Variants in PDE11A observed in about 807,000 individuals in gnomAD.
PDE11A encodes dual 3',5'-cyclic-AMP and -GMP phosphodiesterase 11A.
Under a neutral mutation model 100.5 loss-of-function variants are expected in PDE11A, and 100 were observed. The ratio of observed to expected loss-of-function variants is 1.00; its 90% CI spans 0.85 to 1.18. The LOEUF is 1.18. PDE11A is among the 50% of genes most tolerant of loss of function. PDE11A has a pLI of 0.00. For missense variants in PDE11A, 1,141 were observed against 1,152.6 expected (o/e 0.99, Z 0.15); for synonymous variants, 381 against 420.8 (o/e 0.91, Z 1.16).
At chr2:177,932,674 A>G (rs1257640593) in intron 2 of PDE11A, among the ~76,000 whole-genome samples, 1 of 152,204 alleles carries the variant, frequency 6.6e-6, no homozygotes, top group East Asian at 1.9e-4. Context: ...TCAAAATAAT[A>G]AGAGCCATCT....
At chr2:177,905,950 A>G (rs757247916) in intron 2 of PDE11A, among the ~76,000 whole-genome samples, 1 of 152,196 alleles carries the variant, frequency 6.6e-6, no homozygotes, top group Non-Finnish European at 1.5e-5. Flanking sequence ...AGGTTTAGGC[A>G]TAGGGATTTT....
intron 10 of PDE11A, among the ~76,000 whole-genome samples, chr2:177,737,165 G>C (rs28679800): frequency 1.3e-5 from 2 of 151,794 alleles, no homozygotes; most frequent in South Asian, 4.2e-4. Flanking sequence ...GCTTTAACCC[G>C]GAAGGCAGAG....
At chr2:177,952,327 T>G (rs1053994337) in intron 2 of PDE11A, among the ~76,000 whole-genome samples, 2 of 152,214 alleles carry the variant, frequency 1.3e-5, no homozygotes. Context: ...GATTTCTCTT[T>G]GGGAATTACC....
At chr2:177,842,404 A>G (rs1353353575) in intron 5 of PDE11A, among the ~76,000 whole-genome samples, 1 of 152,234 alleles carries the variant, frequency 6.6e-6, no homozygotes, top group African/African-American at 2.4e-5. Context: ...GGAACAAAAG[A>G]CACAAATGCA....
intron 5 of PDE11A, among the ~76,000 whole-genome samples, chr2:177,853,672 ATATATATATGTGTGTGTG>A (rs2083764257): frequency 2.9e-5 from 1 of 34,204 alleles, no homozygotes; most frequent in African/African-American, 9.7e-5. Context: ...ATATATATAT[ATATATATATGTGTGTGTG>A]TGTGTGTGTG....
intron 2 of PDE11A, among the ~76,000 whole-genome samples, chr2:178,002,437 T>C (rs1460277773): frequency 6.6e-6 from 1 of 152,182 alleles, no homozygotes; most frequent in Non-Finnish European, 1.5e-5. Context: ...TACCCAGTAA[T>C]GGGATTGCTG....
intron 19 of PDE11A, among the ~76,000 whole-genome samples, chr2:177,639,079 A>G (rs1015110286): frequency 1.3e-5 from 2 of 152,136 alleles, no homozygotes; most frequent in African/African-American, 4.8e-5. Context: ...ACTCAGCAAG[A>G]TCACTGGGCT....
Position 177,697,433 on chromosome 2 carries a change from C to T in PDE11A, c.2245-1G>A, listed in dbSNP as rs760515400. On this transcript the variant is annotated splice_acceptor_variant, in intron 14 of 19. Coordinates refer to ENST00000286063, the MANE Select transcript of PDE11A (RefSeq NM_016953.4). LOFTEE classifies it high-confidence loss of function. Reference sequence around the variant, plus strand: ...ACAGGTTAGCAAAGATATTGTGACCCTGTAATGAGAAAGTAAAAAGTCACA... The same window carrying T: ...ACAGGTTAGCAAAGATATTGTGACCTTGTAATGAGAAAGTAAAAAGTCACA... 2.1e-6 allele frequency: 3 copies of T among 1,451,486 alleles called. No homozygotes were observed. The highest frequency in any genetic ancestry group is 1.4e-5 in the African/African-American group (1 of 71,598). The allele number at this position is 1,451,486 out of a possible 1,614,324, so 89.9% of individuals were successfully genotyped here.
intron 2 of PDE11A, among the ~76,000 whole-genome samples, chr2:177,982,597 A>G (rs1032859705): frequency 6.6e-6 from 1 of 150,724 alleles, no homozygotes; most frequent in Non-Finnish European, 1.5e-5. Flanking sequence ...CAGAGAAAAA[A>G]GATTCATATG....
intron 16 of PDE11A, among the ~76,000 whole-genome samples, chr2:177,680,365 C>T (rs1333190740): frequency 6.6e-6 from 1 of 152,044 alleles, no homozygotes; most frequent in Non-Finnish European, 1.5e-5. Flanking sequence ...GGAAGACGTC[C>T]CAGGCAAAGG....
chr2:177,993,997 G>A (rs2086037776), intron 2 of PDE11A, among the ~76,000 whole-genome samples: 1 of 150,750 alleles, frequency 6.6e-6, no homozygotes, highest in South Asian at 2.1e-4. Flanking sequence ...GTGCAATGGA[G>A]CAATCTCGGC....
intron 6 of PDE11A, among the ~76,000 whole-genome samples, chr2:177,821,320 C>G (rs1448970295): frequency 6.6e-6 from 1 of 151,146 alleles, no homozygotes; most frequent in East Asian, 1.9e-4. Flanking sequence ...TAGAAAGGCC[C>G]CAAAATTGTA....
chr2:178,077,697 G>A (rs2087225484), upstream of PDE11A, among the ~76,000 whole-genome samples: 1 of 152,200 alleles, frequency 6.6e-6, no homozygotes, highest in South Asian at 2.1e-4. Flanking sequence ...CTTTGCAGAT[G>A]TAATTAAAGA....
intron 9 of PDE11A, among the ~76,000 whole-genome samples, chr2:177,816,215 CA>C (rs1035877065): frequency 1.3e-5 from 2 of 151,190 alleles, no homozygotes; most frequent in Non-Finnish European, 1.5e-5. Context: ...AAAAACAAAA[CA>C]AAAAAAACAA....
At chr2:177,872,316 A>G (rs756232812) in intron 5 of PDE11A, among the ~76,000 whole-genome samples, 9 of 152,358 alleles carry the variant, frequency 5.9e-5, no homozygotes, top group East Asian at 1.9e-4. Flanking sequence ...CAAGAAGTCT[A>G]TCATGACATA....
chr2:178,054,684 A>G (rs945526835), intron 1 of PDE11A, among the ~76,000 whole-genome samples: 1 of 147,826 alleles, frequency 6.8e-6, no homozygotes, highest in Non-Finnish European at 1.5e-5. Flanking sequence ...AAAACTGGGC[A>G]AAGGATATGA....
chr2:177,643,311 T>C (rs2080173510), intron 19 of PDE11A, among the ~76,000 whole-genome samples: 1 of 152,182 alleles, frequency 6.6e-6, no homozygotes, highest in South Asian at 2.1e-4. Flanking sequence ...GATAATGATA[T>C]GGACAATGAA....
chr2:178,009,831 A>T (rs2086255946), intron 2 of PDE11A, among the ~76,000 whole-genome samples: 1 of 152,212 alleles, frequency 6.6e-6, no homozygotes, highest in African/African-American at 2.4e-5. Context: ...ACTGATTTCC[A>T]TATTACAAAA....
intron 19 of PDE11A, among the ~76,000 whole-genome samples, chr2:177,650,473 T>C (rs1203314344): frequency 1.3e-5 from 2 of 152,236 alleles, no homozygotes; most frequent in Non-Finnish European, 2.9e-5. Flanking sequence ...ATCAGGGCTG[T>C]CTTTTCTACC....
Sources: gnomAD v4.1 joint callset for allele counts (sites outside exome capture counted in the v4.1 genomes callset) on GRCh38, gnomAD v4.1.1 for gene constraint, MANE v1.5 for transcripts, NCBI Gene and HGNC (gene_info 2026-07-23, HGNC 2026-07-21) for gene names.